STX8: variants seen among roughly 807,000 people sequenced by gnomAD.
The protein encoded by STX8 is syntaxin 8, also known as syntaxin-8.
STX8 carries 23 observed loss-of-function variants against 37.5 expected under a neutral mutation model. The ratio of observed to expected loss-of-function variants is 0.61; its 90% confidence interval spans 0.44 to 0.87. The LOEUF is 0.87. Ranked by LOEUF, STX8 falls within the 40% of genes least tolerant of loss-of-function variation. The probability of loss-of-function intolerance (pLI) is 0.00; values close to 1 mark genes in which losing one functional copy is unlikely to be tolerated. For missense variants in STX8, 313 were observed against 284.7 expected (o/e 1.10, Z -0.71); for synonymous variants, 115 against 99.1 (o/e 1.16, Z -0.95).
rs1449950825 is a variant in STX8 at position 9,252,632 on chromosome 17, G to A, written c.644-1987C>T. On this transcript the variant is annotated intron_variant, in intron 7 of 7. Transcript: ENST00000306357. ...CTCAAAAAAAAAAAAAAAAGAAAAC[G>A]AAAATAAAAAAAAAAACTAGGGCAA... Among the ~76,000 whole-genome samples, 25 of 146,160 alleles carry A rather than the reference G, an allele frequency of 1.7e-4. No individual in the cohort carries two copies. In the South Asian group the frequency reaches 4.0e-3, roughly 24 times the overall value.
intron 7 of STX8, among the ~76,000 whole-genome samples, chr17:9,354,771 C>T (rs112811862): frequency 9.2e-5 from 14 of 152,264 alleles, no homozygotes; most frequent in African/African-American, 2.6e-4. Flanking sequence ...TAATTTTTCA[C>T]GCAGGAAAAC....
At chr17:9,345,592 AAAGAATATATATTTATGGGGTAC>A (rs1171593928) in intron 7 of STX8, among the ~76,000 whole-genome samples, 1 of 152,108 alleles carries the variant, frequency 6.6e-6, no homozygotes, top group Non-Finnish European at 1.5e-5. Flanking sequence ...TTTAGATGAC[AAAGAATATATATTTATGGGGTAC>A]AAAGTAATGT....
At chr17:9,255,714 C>T (rs1906770274) in intron 7 of STX8, among the ~76,000 whole-genome samples, 1 of 151,938 alleles carries the variant, frequency 6.6e-6, no homozygotes, top group South Asian at 2.1e-4. Context: ...ATATTTTAAA[C>T]CCTTTCAGAG....
chr17:9,368,768 C>G (rs1296170634), intron 7 of STX8, among the ~76,000 whole-genome samples: 1 of 152,186 alleles, frequency 6.6e-6, no homozygotes, highest in Non-Finnish European at 1.5e-5. Context: ...GCTTGTCTTA[C>G]TAATTCTTCA....
chr17:9,517,879 G>A (rs1378981285), intron 4 of STX8, among the ~76,000 whole-genome samples: 1 of 150,822 alleles, frequency 6.6e-6, no homozygotes, highest in African/African-American at 2.5e-5. Flanking sequence ...AGATGGTAAG[G>A]CATTCCAAGA....
intron 6 of STX8, among the ~76,000 whole-genome samples, chr17:9,462,745 G>T (rs1318512510): frequency 6.6e-6 from 1 of 152,010 alleles, no homozygotes. Flanking sequence ...ATTTCCATCA[G>T]GAAAAAAGCA....
At chr17:9,541,633 G>C (rs1165746035) in intron 4 of STX8, among the ~76,000 whole-genome samples, 1 of 152,090 alleles carries the variant, frequency 6.6e-6, no homozygotes, top group Non-Finnish European at 1.5e-5. Flanking sequence ...ACAGAACTGG[G>C]TCCTTCTAAC....
At chr17:9,283,163 C>A (rs180799295) in intron 7 of STX8, 1 of 152,114 alleles carries the variant, frequency 6.6e-6, no homozygotes, top group Non-Finnish European at 1.5e-5. Context: ...TTTACTCTGA[C>A]AAAAAGCTGT....
intron 2 of STX8, among the ~76,000 whole-genome samples, chr17:9,563,239 G>A (rs1054585074): frequency 6.6e-6 from 1 of 151,834 alleles, no homozygotes; most frequent in Non-Finnish European, 1.5e-5. Flanking sequence ...ATGGAGTGCA[G>A]TGGCACGATC....
At chr17:9,311,102 T>G (rs574361249) in intron 7 of STX8, among the ~76,000 whole-genome samples, 1 of 152,108 alleles carries the variant, frequency 6.6e-6, no homozygotes, top group South Asian at 2.1e-4. Flanking sequence ...CCAGGTGTGG[T>G]GGTGTGCACC....
At chr17:9,421,905 T>A (rs1913445033) in intron 6 of STX8, among the ~76,000 whole-genome samples, 1 of 151,958 alleles carries the variant, frequency 6.6e-6, no homozygotes, top group African/African-American at 2.4e-5. Context: ...CAAGATCTGG[T>A]GGTCTGAAAG....
intron 4 of STX8, among the ~76,000 whole-genome samples, chr17:9,542,111 C>T (rs1277777689): frequency 6.6e-6 from 1 of 151,918 alleles, no homozygotes; most frequent in Non-Finnish European, 1.5e-5. Context: ...GTAATCCCAG[C>T]GTTTTGGGAG....
chr17:9,307,392 T>G (rs1432582316), intron 7 of STX8, among the ~76,000 whole-genome samples: 1 of 152,214 alleles, frequency 6.6e-6, no homozygotes, highest in Non-Finnish European at 1.5e-5. Flanking sequence ...TGGGCTCTCC[T>G]GACTTCGGTC....
At chr17:9,510,356 T>C (rs2142507680) in intron 4 of STX8, among the ~76,000 whole-genome samples, 1 of 152,250 alleles carries the variant, frequency 6.6e-6, no homozygotes, top group Non-Finnish European at 1.5e-5. Flanking sequence ...ACATAGAACA[T>C]GGACTGACCA....
At chr17:9,289,501 C>T (rs942930971) in intron 7 of STX8, among the ~76,000 whole-genome samples, 12 of 147,034 alleles carry the variant, frequency 8.2e-5, no homozygotes, top group East Asian at 3.9e-4. Flanking sequence ...GTGCATCTGA[C>T]GATACCCACA....
At chr17:9,522,091 T>TC (rs1905359648) in intron 4 of STX8, among the ~76,000 whole-genome samples, 1 of 152,008 alleles carries the variant, frequency 6.6e-6, no homozygotes, top group African/African-American at 2.4e-5. Context: ...CTCCTGAGAG[T>TC]CACACAGGCC....
At chr17:9,478,781 C>T (rs965287563) in intron 6 of STX8, among the ~76,000 whole-genome samples, 1 of 152,166 alleles carries the variant, frequency 6.6e-6, no homozygotes, top group East Asian at 1.9e-4. Context: ...CTCCAGCTTG[C>T]AAAGTTCTCT....
rs186644472 is a variant in STX8, at chr17:9,459,855, C to A, written c.541+31974G>T. ...AAGCACAGAAGAGTTGAGCTGAAAT[C>A]TGTTGCTTTCTACCACATTCTTCAA... On this transcript the variant is annotated intron_variant, in intron 6 of 7. Transcript: ENST00000306357. Among the ~76,000 whole-genome samples, 9 of 152,334 alleles carry A rather than the reference C, an allele frequency of 5.9e-5. No individual in the cohort carries two copies. In the East Asian group the frequency reaches 1.4e-3, roughly 23 times the overall value.
At chr17:9,474,963 C>T (rs920090084) in intron 6 of STX8, among the ~76,000 whole-genome samples, 5 of 152,090 alleles carry the variant, frequency 3.3e-5, no homozygotes, top group Non-Finnish European at 4.4e-5. Context: ...CAGAGCAAGA[C>T]TCTGTAGCAA....
Sources: gnomAD v4.1 joint callset for allele counts (sites outside exome capture counted in the v4.1 genomes callset) on GRCh38, gnomAD v4.1.1 for gene constraint, MANE v1.5 for transcripts, NCBI Gene and HGNC (gene_info 2026-07-23, HGNC 2026-07-21) for gene names.